The following ASB15 variants were observed in gnomAD, a reference collection of about 807,000 sequenced individuals.
ASB15 encodes the protein ankyrin repeat and SOCS box protein 15.
Under a neutral mutation model 58.0 loss-of-function variants are expected in ASB15, and 54 were observed. The ratio of observed to expected loss-of-function variants is 0.93; its 90% CI spans 0.75 to 1.17. The LOEUF is 1.17. Ranked by LOEUF, ASB15 falls within the 50% of genes most tolerant of loss-of-function variation. The probability of loss-of-function intolerance (pLI) is 0.00; values close to 1 mark genes in which losing one functional copy is unlikely to be tolerated. For missense variants in ASB15, 680 were observed against 707.4 expected, an observed-to-expected ratio of 0.96 and a Z score of 0.44; for synonymous variants, 249 against 262.4, an observed-to-expected ratio of 0.95 and a Z score of 0.50.
chr7:123,617,137 A>G (rs1020991178), intron 6 of ASB15, among the ~76,000 whole-genome samples: 3 of 152,182 alleles, frequency 2.0e-5, no homozygotes, highest in African/African-American at 7.2e-5. Flanking sequence ...CCAGCCATCT[A>G]GAAAACTAGA....
At chr7:123,630,225 C>T (rs1802050726) in intron 11 of ASB15, 106 bp downstream of exon 11, 2 of 782,028 alleles carry the variant, frequency 2.6e-6, no homozygotes, top group Admixed American at 3.5e-5. Flanking sequence ...TACTGTATTT[C>T]CAGAATTATC....
chr7:123,635,004 G>T (rs148205503), intron 11 of ASB15, among the ~76,000 whole-genome samples: 99 of 152,278 alleles, frequency 6.5e-4, no homozygotes, highest in African/African-American at 2.3e-3. Flanking sequence ...GAAACTAAAG[G>T]GCATTTGGGT....
intron 10 of ASB15, among the ~76,000 whole-genome samples, chr7:123,629,685 A>G (rs569125565): frequency 6.6e-6 from 1 of 152,154 alleles, no homozygotes; most frequent in Non-Finnish European, 1.5e-5. Context: ...AATGTATGTA[A>G]TTAGTCACTT....
intron 1 of ASB15, among the ~76,000 whole-genome samples, chr7:123,581,659 G>A (rs1799237780): frequency 6.6e-6 from 1 of 151,904 alleles, no homozygotes; most frequent in Non-Finnish European, 1.5e-5. Context: ...TTTGCTCAGA[G>A]TGAGAACACC....
At chr7:123,590,013 T>A (rs1046324033) in intron 1 of ASB15, among the ~76,000 whole-genome samples, 6 of 152,214 alleles carry the variant, frequency 3.9e-5, no homozygotes, top group African/African-American at 1.4e-4. Flanking sequence ...ATTGTCATTC[T>A]AACTGGCATG....
chr7:123,571,356 C>A (rs762777936), intron 1 of ASB15, among the ~76,000 whole-genome samples: 35 of 152,234 alleles, frequency 2.3e-4, no homozygotes, highest in Middle Eastern at 3.4e-3. Flanking sequence ...TAAGGTCAAT[C>A]TATGAGTTAA....
intron 7 of ASB15, among the ~76,000 whole-genome samples, chr7:123,619,019 C>CA (rs776127134): frequency 2.0e-5 from 3 of 151,400 alleles, no homozygotes; most frequent in African/African-American, 4.9e-5. Context: ...ACTAAAAATA[C>CA]AAAAACAAAA....
intron 1 of ASB15, among the ~76,000 whole-genome samples, chr7:123,580,440 C>G (rs1325689319): frequency 6.6e-6 from 1 of 151,986 alleles, no homozygotes; most frequent in East Asian, 1.9e-4. Context: ...GCCACTTGAC[C>G]AAAAACTGCT....
In ASB15 at chr7:123,604,044, G is replaced by T. The variant is rs1562921890; in HGVS notation, c.-232G>T. The T allele has an allele frequency of 6.6e-6, 1 of 152,196 alleles. No homozygotes were observed. Among genetic ancestry groups the T allele is most frequent in the Admixed American group, 6.6e-5 (1 of 15,264 alleles). The allele number at this position is 152,196 out of a possible 1,614,324, so 9.4% of individuals were successfully genotyped here. On this transcript the variant is annotated 5_prime_UTR_variant, in exon 2 of 12. Transcript: ENST00000451215. ...AATGTGTTTCCAGGAAAGCAGTCAA[G>T]ACAGTGCAGGAGGTGAGGCCATCTT...
chr7:123,578,541 T>C (rs1331223451), intron 1 of ASB15, among the ~76,000 whole-genome samples: 1 of 152,072 alleles, frequency 6.6e-6, no homozygotes, highest in Non-Finnish European at 1.5e-5. Context: ...GCTCAGTTAA[T>C]TTCAGGCATT....
At chr7:123,614,275 G>T in intron 3 of ASB15, 1 of 419,678 alleles carries the variant, frequency 2.4e-6, no homozygotes, top group Non-Finnish European at 4.2e-6. Flanking sequence ...AAGTGCAAAT[G>T]CTCAAAGGGC....
chr7:123,620,935 T>TA (rs1713043798), intron 7 of ASB15, among the ~76,000 whole-genome samples: 1 of 152,044 alleles, frequency 6.6e-6, no homozygotes, highest in Non-Finnish European at 1.5e-5. Context: ...GTTGTTTCTA[T>TA]AGATCACCTT....
chr7:123,580,510 T>G (rs1799197196), intron 1 of ASB15, among the ~76,000 whole-genome samples: 1 of 151,986 alleles, frequency 6.6e-6, no homozygotes, highest in African/African-American at 2.4e-5. Context: ...ACTTCTTCCT[T>G]GAAAAATGGT....
chr7:123,592,117 T>G (rs1033875140), intron 1 of ASB15, among the ~76,000 whole-genome samples: 7 of 152,244 alleles, frequency 4.6e-5, no homozygotes, highest in Non-Finnish European at 8.8e-5. Flanking sequence ...GATAGTAGTT[T>G]GTATTTCTGT....
intron 1 of ASB15, among the ~76,000 whole-genome samples, chr7:123,576,229 C>G (rs895137788): frequency 5.2e-4 from 78 of 150,848 alleles, no homozygotes; most frequent in African/African-American, 1.7e-3. Context: ...TTATTTTCTT[C>G]TTTTCTGAGT....
chr7:123,590,556 A>G (rs1799506141), intron 1 of ASB15, among the ~76,000 whole-genome samples: 1 of 152,296 alleles, frequency 6.6e-6, no homozygotes, highest in East Asian at 1.9e-4. Flanking sequence ...CAGTTTTCCC[A>G]GCACCATTTA....
Position 123,630,031 on chromosome 7 carries a change from A to C in ASB15, c.1506A>C (p.Ile502=). Residue 502 remains isoleucine (I), a synonymous_variant, in exon 11 of 12, where the codon ATA becomes ATC. Transcript: ENST00000451215. ...TAGGCAGAGTTACTCGTGTACTAAT[A>C]GATTACATGGATTATGTTCCTCTGT... ...HLVGRVTRVL[I]DYMDYVPLCA... 6.2e-7 allele frequency: 1 copy of C among 1,605,080 alleles called. No individual in the cohort carries two copies.
chr7:123,601,060 G>A (rs975098047), upstream of ASB15, among the ~76,000 whole-genome samples: 2 of 152,152 alleles, frequency 1.3e-5, no homozygotes, highest in Non-Finnish European at 1.5e-5. Context: ...GTTTTAGTAG[G>A]GGGGTGTAGG....
In ASB15 at chr7:123,593,077, A is replaced by C. The variant is rs1799586625; in HGVS notation, c.-442-10955A>C. On this transcript the variant is annotated intron_variant, in intron 1 of 13. Coordinates refer to the ASB15 transcript ENST00000451558. ...GTTGGTTTAAAGTTTGTTTTATCAG[A>C]GACCAGGATTGCAGCCCCTGCTTTT... 4.0e-5 allele frequency among the ~76,000 whole-genome samples: 6 copies of C among 151,884 alleles called. No homozygotes were observed. The South Asian group carries it at 1.3e-3, about 32-fold the overall frequency.
Sources: gnomAD v4.1 joint callset for allele counts (sites outside exome capture counted in the v4.1 genomes callset) on GRCh38, gnomAD v4.1.1 for gene constraint, MANE v1.5 for transcripts, NCBI Gene and HGNC (gene_info 2026-07-23, HGNC 2026-07-21) for gene names.